The following DMD variants were observed in gnomAD, a reference collection of about 807,000 sequenced individuals.
DMD encodes mutant dystrophin.
Under a neutral mutation model 330.1 loss-of-function variants are expected in DMD, and 63 were observed. The ratio of observed to expected loss-of-function variants is 0.19; its 90% CI spans 0.16 to 0.24. DMD has a LOEUF of 0.24. Ranked by LOEUF, DMD falls within the 10% of genes least tolerant of loss-of-function variation. The pLI is 1.00. For synonymous variants in DMD, 1,223 were observed against 959.8 expected (o/e 1.27, Z -5.07); for missense variants, 3,344 against 2,684.1 (o/e 1.25, Z -5.43).
At chrX:31,957,205 C>T (rs934709308) in intron 45 of DMD, among the ~76,000 whole-genome samples, 1 of 111,424 alleles carries the variant, frequency 9.0e-6, no homozygotes, top group African/African-American at 3.3e-5. Flanking sequence ...CCATTTTGAG[C>T]TGGTTTTCTA....
At chrX:33,268,104 C>G (rs1023811670) in intron 1 of DMD, among the ~76,000 whole-genome samples, 2 of 109,117 alleles carry the variant, frequency 1.8e-5, no homozygotes, top group Non-Finnish European at 3.8e-5. Context: ...GTTCTCCTGC[C>G]TCAGCCTCCC....
At chrX:31,231,992 C>T (rs994043603) in intron 63 of DMD, among the ~76,000 whole-genome samples, 21 of 102,113 alleles carry the variant, frequency 2.1e-4, no homozygotes, top group African/African-American at 7.5e-4. Flanking sequence ...CGAGAGGCTT[C>T]TTGGAGAAGG....
At chrX:32,922,747 G>T (rs1006222406) in intron 2 of DMD, among the ~76,000 whole-genome samples, 2 of 111,824 alleles carry the variant, frequency 1.8e-5, no homozygotes, top group African/African-American at 3.3e-5. Context: ...TGGGGCCCAG[G>T]GTTTGGGGAC....
At chrX:32,926,837 CAT>C (rs375043771) in intron 2 of DMD, among the ~76,000 whole-genome samples, 4 of 108,781 alleles carry the variant, frequency 3.7e-5, no homozygotes, top group Non-Finnish European at 3.8e-5. Context: ...CTGAGCCATT[CAT>C]ATATATATAT....
intron 43 of DMD, among the ~76,000 whole-genome samples, chrX:32,222,377 TCAA>T (rs1331318423): frequency 2.7e-5 from 3 of 110,602 alleles, no homozygotes; most frequent in Non-Finnish European, 3.8e-5. Context: ...AACTAGAGAA[TCAA>T]CAACAAAGCC....
intron 53 of DMD, among the ~76,000 whole-genome samples, chrX:31,666,190 T>C (rs2081414420): frequency 9.0e-6 from 1 of 111,678 alleles, no homozygotes; most frequent in African/African-American, 3.3e-5. Flanking sequence ...TGTGGTAGAC[T>C]GCATTATTGT....
chrX:32,949,090 A>G (rs1192309216), intron 2 of DMD, among the ~76,000 whole-genome samples: 1 of 111,328 alleles, frequency 9.0e-6, no homozygotes, highest in African/African-American at 3.3e-5. Flanking sequence ...AAACAGATTA[A>G]GTATTTCTAT....
At chrX:31,655,134 A>C (rs1309201557) in intron 54 of DMD, among the ~76,000 whole-genome samples, 2 of 111,696 alleles carry the variant, frequency 1.8e-5, no homozygotes, top group Non-Finnish European at 3.8e-5. Context: ...GAATTTTTGC[A>C]ATCAGACCTT....
At chrX:32,361,680 C>T (rs772766415) in intron 37 of DMD, among the ~76,000 whole-genome samples, 68 of 111,280 alleles carry the variant, frequency 6.1e-4, no homozygotes, top group African/African-American at 2.1e-3. Context: ...CACTGTAATG[C>T]CTTAGAAAGT....
intron 64 of DMD, among the ~76,000 whole-genome samples, chrX:31,222,392 CAAAAAAAAA>C (rs57227723): frequency 1.8e-3 from 38 of 20,621 alleles, no homozygotes; most frequent in African/African-American, 6.0e-3. Flanking sequence ...GACTCCATCT[CAAAAAAAAA>C]AAAAAAAAAA....
intron 4 of DMD, among the ~76,000 whole-genome samples, chrX:32,838,160 C>T (rs1020618648): frequency 1.8e-5 from 2 of 111,680 alleles, no homozygotes; most frequent in East Asian, 2.8e-4. Flanking sequence ...CTGTGCGATA[C>T]GTTTTCGTTA....
chrX:32,407,615 G>A (rs370942722), intron 30 of DMD, among the ~76,000 whole-genome samples: 90 of 110,477 alleles, frequency 8.1e-4, no homozygotes, highest in Middle Eastern at 4.6e-3. Flanking sequence ...CAGCCATCCC[G>A]TTACTGGGTA....
chrX:32,768,261 A>T (rs2073223033), intron 7 of DMD, among the ~76,000 whole-genome samples: 1 of 112,384 alleles, frequency 8.9e-6, no homozygotes, highest in Admixed American at 9.4e-5. Flanking sequence ...GATTTCCGTC[A>T]GATGCTGTCT....
At chrX:31,580,548 G>A (rs1260742346) in intron 55 of DMD, among the ~76,000 whole-genome samples, 1 of 111,986 alleles carries the variant, frequency 8.9e-6, no homozygotes, top group Non-Finnish European at 1.9e-5. Context: ...AGTACCTACT[G>A]TTTTAAGCTA....
intron 60 of DMD, among the ~76,000 whole-genome samples, chrX:31,409,533 T>G (rs944564918): frequency 8.9e-6 from 1 of 112,336 alleles, no homozygotes; most frequent in African/African-American, 3.2e-5. Context: ...AAGATAATAC[T>G]TTGAAAATGC....
chrX:31,405,980 A>T (rs2061387867), intron 60 of DMD, among the ~76,000 whole-genome samples: 1 of 112,219 alleles, frequency 8.9e-6, no homozygotes, highest in Non-Finnish European at 1.9e-5. Flanking sequence ...CGTTGTCACA[A>T]ATTACTACAC....
At position 33,244,228 on chromosome X, in the gene DMD, T is replaced by A. The variant is rs2052632481; in HGVS notation, c.7+95031A>T. Among the ~76,000 whole-genome samples the A allele has an allele frequency of 4.5e-5, 5 of 111,652 alleles. No homozygotes were observed. The South Asian group carries it at 1.9e-3, about 42-fold the overall frequency. ...TTTCCCCATCCAGTATAATTCTTGC[T>A]TTATTGAAGAAAATGCCATACTTCT... is the stretch of plus-strand genomic sequence containing the variant. On this transcript the variant is annotated intron_variant, in intron 1 of 17. Coordinates refer to the DMD transcript ENST00000288447.
intron 43 of DMD, among the ~76,000 whole-genome samples, chrX:32,285,485 C>T (rs187299416): frequency 1.1e-3 from 120 of 111,839 alleles, no homozygotes; most frequent in Non-Finnish European, 1.7e-3. Context: ...ACAATCATGG[C>T]TCGTGGCAGC....
intron 7 of DMD, among the ~76,000 whole-genome samples, chrX:32,720,504 C>G (rs1169970841): frequency 8.9e-6 from 1 of 111,802 alleles, no homozygotes; most frequent in East Asian, 2.8e-4. Flanking sequence ...TTTTTTAACG[C>G]CTTTTTAGAA....
Sources: gnomAD v4.1 joint callset for allele counts (sites outside exome capture counted in the v4.1 genomes callset) on GRCh38, gnomAD v4.1.1 for gene constraint, MANE v1.5 for transcripts, NCBI Gene and HGNC (gene_info 2026-07-23, HGNC 2026-07-21) for gene names.